Variants in FAM53A observed in about 807,000 individuals in gnomAD.
FAM53A encodes family with sequence similarity 53 member A.
FAM53A carries 28 observed loss-of-function variants against 26.6 expected under a neutral mutation model. The ratio of observed to expected loss-of-function variants is 1.05; its 90% CI spans 0.78 to 1.45. The LOEUF is 1.45. Ranked by LOEUF, FAM53A falls within the 40% of genes most tolerant of loss-of-function variation. The pLI is 0.00. For synonymous variants in FAM53A, 290 were observed against 253.1 expected, an observed-to-expected ratio of 1.15 and a Z score of -1.38; for missense variants, 650 against 575.8, an observed-to-expected ratio of 1.13 and a Z score of -1.32.
chr4:1,685,860 C>A (rs1490178160), upstream of FAM53A, among the ~76,000 whole-genome samples: 1 of 152,170 alleles, frequency 6.6e-6, no homozygotes, highest in African/African-American at 2.4e-5. Flanking sequence ...GTGCCCGGGG[C>A]GAGGCTCTGC....
At chr4:1,614,154 G>A (rs748112973), downstream of FAM53A, among the ~76,000 whole-genome samples, 4 of 152,190 alleles carry the variant, frequency 2.6e-5, no homozygotes, top group African/African-American at 9.6e-5. Flanking sequence ...AGCCACCGCC[G>A]GCAAGGACAG....
At chr4:1,616,439 G>A (rs144256020), downstream of FAM53A, among the ~76,000 whole-genome samples, 35 of 142,260 alleles carry the variant, frequency 2.5e-4, no homozygotes, top group African/African-American at 1.0e-3. Flanking sequence ...CCATGATTGC[G>A]CCACTGCACT....
intron 2 of FAM53A, among the ~76,000 whole-genome samples, chr4:1,660,839 C>A (rs1421240832): frequency 6.6e-6 from 1 of 151,718 alleles, no homozygotes; most frequent in Non-Finnish European, 1.5e-5. Context: ...GGAGATCACG[C>A]CTCTGCACTC....
At chr4:1,625,953 T>C (rs1211548949) in intron 1 of FAM53A, among the ~76,000 whole-genome samples, 1 of 152,182 alleles carries the variant, frequency 6.6e-6, no homozygotes, top group Admixed American at 6.5e-5. Flanking sequence ...TTCCAACCCC[T>C]TCCCCAGGAT....
the FAM53A span, among the ~76,000 whole-genome samples, chr4:1,580,716 C>T: frequency 8.3e-5 from 12 of 145,260 alleles, no homozygotes; most frequent in African/African-American, 3.1e-4. Flanking sequence ...CGCCTCCTGC[C>T]CGAGCCCTCC....
downstream of FAM53A, among the ~76,000 whole-genome samples, chr4:1,615,315 C>A (rs1294300756): frequency 1.4e-5 from 2 of 143,694 alleles, no homozygotes. Flanking sequence ...GCCACACCCA[C>A]CCCACCTGGG....
chr4:1,675,038 G>A (rs550012128), intron 1 of FAM53A, among the ~76,000 whole-genome samples: 62 of 152,300 alleles, frequency 4.1e-4, no homozygotes, highest in African/African-American at 1.3e-3. Context: ...ACCCCACCAT[G>A]GCAGGACAGC....
chr4:1,582,907 C>A, the FAM53A span, among the ~76,000 whole-genome samples: 1 of 152,098 alleles, frequency 6.6e-6, no homozygotes, highest in Non-Finnish European at 1.5e-5. Flanking sequence ...AGAGAAAAAC[C>A]TTGGGATTGG....
intron 2 of FAM53A, among the ~76,000 whole-genome samples, chr4:1,658,287 T>A (rs1240408416): frequency 6.6e-6 from 1 of 152,196 alleles, no homozygotes; most frequent in Non-Finnish European, 1.5e-5. Context: ...CACAAAGTGC[T>A]GGAATTACAG....
At position 1,679,921 on chromosome 4, in the gene FAM53A, C is replaced by T. The variant is rs561037124; in HGVS notation, c.-165+4312G>A. Reference sequence around the variant, plus strand: ...AAATTTAGCTGGGCATGATGGCAGGCGCCTGTAAGCGCAGCTACTCGGGAG... The same window carrying T: ...AAATTTAGCTGGGCATGATGGCAGGTGCCTGTAAGCGCAGCTACTCGGGAG... On this transcript the variant is annotated intron_variant, in intron 1 of 4. Coordinates refer to ENST00000308132, the MANE Select transcript of FAM53A (RefSeq NM_001174070.3). Among the ~76,000 whole-genome samples the T allele has an allele frequency of 5.9e-3, 893 of 151,240 alleles. 6 individuals carry two copies. Among genetic ancestry groups the T allele is most frequent in the Non-Finnish European group, 9.2e-3 (622 of 67,892 alleles).
At chr4:1,595,112 G>C in the FAM53A span, among the ~76,000 whole-genome samples, 2 of 152,224 alleles carry the variant, frequency 1.3e-5, no homozygotes, top group Non-Finnish European at 2.9e-5. Context: ...GGGAGGCACA[G>C]ATTCCAGCTC....
rs149316703 is a variant in FAM53A at position 1,633,774 on chromosome 4, G to A, written c.432-15663C>T. ...CAGGAGATTGAAAGTGACAGCTAATGCATTCGATATTCCTCACAAAACTGA... is the reference window on the plus strand; with the variant it reads ...CAGGAGATTGAAAGTGACAGCTAATACATTCGATATTCCTCACAAAACTGA... On this transcript the variant is annotated intron_variant, in intron 1 of 1. Coordinates refer to the FAM53A transcript ENST00000489029. 9.7e-3 allele frequency among the ~76,000 whole-genome samples: 1,472 copies of A among 152,150 alleles called. 35 individuals are homozygous for A. Among genetic ancestry groups the A allele is most frequent in the African/African-American group, 0.033 (1,373 of 41,512 alleles).
chr4:1,635,517 TC>T (rs1218560239), downstream of FAM53A, among the ~76,000 whole-genome samples: 1 of 152,092 alleles, frequency 6.6e-6, no homozygotes, highest in Admixed American at 6.6e-5. Flanking sequence ...CAAGCAATCC[TC>T]CCCGCTGTTG....
downstream of FAM53A, among the ~76,000 whole-genome samples, chr4:1,636,138 C>T (rs952132332): frequency 6.6e-6 from 1 of 152,158 alleles, no homozygotes; most frequent in Non-Finnish European, 1.5e-5. Flanking sequence ...TGAGCCGCCA[C>T]GCCCGGCCAT....
chr4:1,603,845 G>A, the FAM53A span, among the ~76,000 whole-genome samples: 1 of 152,186 alleles, frequency 6.6e-6, no homozygotes, highest in African/African-American at 2.4e-5. Context: ...GCTGGCAGGC[G>A]TCCTGGGCAG....
Position 1,632,322 on chromosome 4 carries a change from C to A in FAM53A, c.432-14211G>T, listed in dbSNP as rs574612804. Among the ~76,000 whole-genome samples, 19 of 152,196 alleles carry A rather than the reference C, an allele frequency of 1.2e-4. No individual in the cohort carries two copies. The South Asian group carries it at 3.9e-3, about 32-fold the overall frequency. On this transcript the variant is annotated intron_variant, in intron 1 of 1. Coordinates refer to the FAM53A transcript ENST00000489029. Reference sequence around the variant, plus strand: ...ACACAGACACACACAGAGAAACGACCACGTGCAGACAGGGAGATAGTGGCC... The same window carrying A: ...ACACAGACACACACAGAGAAACGACAACGTGCAGACAGGGAGATAGTGGCC...
chr4:1,666,536 C>T (rs1183068822), intron 2 of FAM53A, among the ~76,000 whole-genome samples: 1 of 152,256 alleles, frequency 6.6e-6, no homozygotes, highest in African/African-American at 2.4e-5. Context: ...ACCTCCCAGG[C>T]CCGGCAGGCA....
chr4:1,664,614 G>A (rs909954837), intron 2 of FAM53A, among the ~76,000 whole-genome samples: 6 of 152,198 alleles, frequency 3.9e-5, no homozygotes, highest in Admixed American at 3.3e-4. Context: ...CTGGTCTCAC[G>A]TGTAAACAAT....
chr4:1,625,370 G>A (rs1416860539), intron 1 of FAM53A, among the ~76,000 whole-genome samples: 27 of 44,336 alleles, frequency 6.1e-4, no homozygotes, highest in Non-Finnish European at 1.0e-3. Context: ...CCCGGCCCAC[G>A]TGGTCAGGGT....
Sources: allele counts gnomAD v4.1 joint callset (sites outside exome capture counted in the v4.1 genomes callset), GRCh38; gene constraint gnomAD v4.1.1; transcripts MANE v1.5; gene names NCBI Gene and HGNC (gene_info 2026-07-23, HGNC 2026-07-21).